FBXL7: variants seen among roughly 807,000 people sequenced by gnomAD.
FBXL7 encodes F-box and leucine rich repeat protein 7.
FBXL7 carries 12 observed loss-of-function variants against 38.3 expected under a neutral mutation model. The observed-to-expected ratio is 0.31, with a 90% CI of 0.20 to 0.51. FBXL7 has a LOEUF of 0.51. FBXL7 is among the 20% of genes least tolerant of loss of function. The probability of loss-of-function intolerance (pLI) is 0.98; values close to 1 mark genes in which losing one functional copy is unlikely to be tolerated. For missense variants in FBXL7, 567 were observed against 676.4 expected, an observed-to-expected ratio of 0.84 and a Z score of 1.79; for synonymous variants, 297 against 300.9, an observed-to-expected ratio of 0.99 and a Z score of 0.13.
At chr5:15,656,726 A>G (rs1741894370) in intron 2 of FBXL7, among the ~76,000 whole-genome samples, 1 of 152,158 alleles carries the variant, frequency 6.6e-6, no homozygotes, top group Admixed American at 6.6e-5. Flanking sequence ...AGGGAACTAG[A>G]AACCCTAGAT....
chr5:15,676,168 C>T (rs1742647138), intron 2 of FBXL7, among the ~76,000 whole-genome samples: 1 of 152,188 alleles, frequency 6.6e-6, no homozygotes, highest in South Asian at 2.1e-4. Flanking sequence ...TAAAACCATT[C>T]ACCAACTTGG....
intron 2 of FBXL7, among the ~76,000 whole-genome samples, chr5:15,815,358 T>C (rs913453487): frequency 6.6e-6 from 1 of 152,156 alleles, no homozygotes; most frequent in Non-Finnish European, 1.5e-5. Flanking sequence ...CAGAGTTCTT[T>C]ATGGACGCAT....
chr5:15,773,650 T>A (rs940256293), intron 2 of FBXL7, among the ~76,000 whole-genome samples: 12 of 152,010 alleles, frequency 7.9e-5, no homozygotes, highest in East Asian at 1.9e-4. Flanking sequence ...CTCAAAAAAA[T>A]TTTTTTTCCA....
chr5:15,884,328 G>A (rs1327360518), intron 2 of FBXL7, among the ~76,000 whole-genome samples: 2 of 151,604 alleles, frequency 1.3e-5, no homozygotes, highest in Non-Finnish European at 2.9e-5. Flanking sequence ...GTGCAGTGGT[G>A]CGATCTCGGC....
At chr5:15,526,835 C>T (rs1475874891) in intron 1 of FBXL7, among the ~76,000 whole-genome samples, 2 of 152,194 alleles carry the variant, frequency 1.3e-5, no homozygotes, top group African/African-American at 4.8e-5. Flanking sequence ...CTTGTTGCTT[C>T]CTGGTGCCTG....
chr5:15,528,578 C>T (rs1386110199), intron 1 of FBXL7, among the ~76,000 whole-genome samples: 6 of 152,292 alleles, frequency 3.9e-5, no homozygotes, highest in South Asian at 2.1e-4. Flanking sequence ...AGGTAAACCC[C>T]TTATAAAACC....
chr5:15,916,907 A>G (rs1741598351), intron 2 of FBXL7, among the ~76,000 whole-genome samples: 1 of 152,210 alleles, frequency 6.6e-6, no homozygotes, highest in Non-Finnish European at 1.5e-5. Context: ...AGGAGGGCCC[A>G]GAATGCATTT....
chr5:15,548,751 C>T (rs998254888), intron 1 of FBXL7, among the ~76,000 whole-genome samples: 1 of 152,240 alleles, frequency 6.6e-6, no homozygotes, highest in Admixed American at 6.5e-5. Context: ...GAGAAGTATA[C>T]AATTTTCATG....
At chr5:15,924,632 C>CTTTTTTTTTTTTTTT (rs34865383) in intron 2 of FBXL7, among the ~76,000 whole-genome samples, 1 of 120,042 alleles carries the variant, frequency 8.3e-6, no homozygotes. Context: ...TCTCATTATT[C>CTTTTTTTTTTTTTTT]TTTTTTTTTT....
At position 15,745,707 on chromosome 5, in the gene FBXL7, G is replaced by A. The variant is rs540357634; in HGVS notation, c.127+129635G>A. Among the ~76,000 whole-genome samples the A allele has an allele frequency of 1.2e-4, 18 of 152,254 alleles. 1 individual carries two copies. In the South Asian group the frequency reaches 2.9e-3, roughly 25 times the overall value. On this transcript the variant is annotated intron_variant, in intron 2 of 3. Coordinates refer to ENST00000504595, the MANE Select transcript of FBXL7 (RefSeq NM_012304.5). ...TGCTTAGGGTGTTTACAAAACAAGA[G>A]GAGGACCCTACATTTGGAGCAGCAT...
intron 2 of FBXL7, among the ~76,000 whole-genome samples, chr5:15,756,408 T>C (rs1736297561): frequency 6.6e-6 from 1 of 152,214 alleles, no homozygotes; most frequent in Non-Finnish European, 1.5e-5. Context: ...ACTTACCTCA[T>C]CCTTATAAGC....
chr5:15,607,296 G>A (rs1460854894), intron 1 of FBXL7: 2 of 152,204 alleles, frequency 1.3e-5, no homozygotes, highest in Non-Finnish European at 2.9e-5. Context: ...TGTGGATTTT[G>A]TGTTAGAAGT....
intron 1 of FBXL7, among the ~76,000 whole-genome samples, chr5:15,530,441 A>G (rs554594891): frequency 1.1e-4 from 17 of 152,308 alleles, no homozygotes; most frequent in African/African-American, 3.6e-4. Flanking sequence ...TTATTTGTTC[A>G]TTAAGGGATC....
intron 2 of FBXL7, among the ~76,000 whole-genome samples, chr5:15,691,924 T>C (rs1743194760): frequency 6.6e-6 from 1 of 152,126 alleles, no homozygotes; most frequent in Non-Finnish European, 1.5e-5. Flanking sequence ...ACAGTTCAGA[T>C]GAGAGGTGGC....
At chr5:15,882,839 T>C (rs1740514647) in intron 2 of FBXL7, among the ~76,000 whole-genome samples, 1 of 152,192 alleles carries the variant, frequency 6.6e-6, no homozygotes, top group Admixed American at 6.5e-5. Flanking sequence ...CCCGATGAGA[T>C]AGTTCTTTTA....
intron 1 of FBXL7, among the ~76,000 whole-genome samples, chr5:15,526,396 G>C (rs2126383202): frequency 1.3e-5 from 2 of 152,274 alleles, no homozygotes; most frequent in South Asian, 4.1e-4. Flanking sequence ...CATACACCTT[G>C]TCTGGGAAGA....
At chr5:15,727,762 C>A (rs976993529) in intron 2 of FBXL7, among the ~76,000 whole-genome samples, 4 of 152,088 alleles carry the variant, frequency 2.6e-5, no homozygotes, top group Non-Finnish European at 5.9e-5. Flanking sequence ...TCATGTCTTT[C>A]ATCAAATTTG....
chr5:15,511,404 G>T (rs2126356699), intron 1 of FBXL7, among the ~76,000 whole-genome samples: 2 of 152,248 alleles, frequency 1.3e-5, no homozygotes, highest in Middle Eastern at 6.8e-3. Context: ...CCCTTTACCT[G>T]GGGTAGCCTT....
intron 2 of FBXL7, among the ~76,000 whole-genome samples, chr5:15,749,412 G>A (rs1051630691): frequency 6.6e-6 from 1 of 152,096 alleles, no homozygotes; most frequent in Non-Finnish European, 1.5e-5. Flanking sequence ...GAATCACGAG[G>A]TCAGGAGATC....
Sources: allele counts gnomAD v4.1 joint callset (sites outside exome capture counted in the v4.1 genomes callset), GRCh38; gene constraint gnomAD v4.1.1; transcripts MANE v1.5; gene names NCBI Gene and HGNC (gene_info 2026-07-23, HGNC 2026-07-21).